PAX7: variants seen among roughly 807,000 people sequenced by gnomAD.
PAX7 encodes paired box protein Pax-7.
Under a neutral mutation model 50.7 loss-of-function variants are expected in PAX7, and 18 were observed. The observed-to-expected ratio is 0.36, with a 90% confidence interval of 0.25 to 0.53. The LOEUF (loss-of-function observed/expected upper bound fraction) is 0.53, where lower values mean the gene tolerates loss of function less well. Among genes scored for constraint, PAX7 ranks in the 20% least tolerant of loss-of-function variants. The probability of loss-of-function intolerance (pLI) is 0.93; values close to 1 mark genes in which losing one functional copy is unlikely to be tolerated. For synonymous variants in PAX7, 310 were observed against 290.4 expected (o/e 1.07, Z -0.69); for missense variants, 644 against 702.9 (o/e 0.92, Z 0.95).
chr1:18,689,751 A>G (rs1341514183), intron 4 of PAX7, among the ~76,000 whole-genome samples: 2 of 152,206 alleles, frequency 1.3e-5, no homozygotes, highest in Admixed American at 1.3e-4. Flanking sequence ...CACCATGATT[A>G]AATTACCCAG....
intron 4 of PAX7, among the ~76,000 whole-genome samples, chr1:18,667,248 C>A (rs2088681299): frequency 6.6e-6 from 1 of 152,102 alleles, no homozygotes; most frequent in East Asian, 1.9e-4. Flanking sequence ...TAATAATTGC[C>A]CCCTCAGAAG....
At chr1:18,731,851 C>T (rs534976480) in intron 7 of PAX7, among the ~76,000 whole-genome samples, 6 of 152,338 alleles carry the variant, frequency 3.9e-5, no homozygotes, top group Admixed American at 6.5e-5. Context: ...TGTTTCTGAG[C>T]TGTCAGTTCA....
intron 7 of PAX7, among the ~76,000 whole-genome samples, chr1:18,712,824 G>A (rs2089371407): frequency 6.6e-6 from 1 of 152,190 alleles, no homozygotes; most frequent in African/African-American, 2.4e-5. Flanking sequence ...GCTCACGCCT[G>A]TAATCCCAGC....
intron 7 of PAX7, among the ~76,000 whole-genome samples, chr1:18,705,173 A>G (rs1038287698): frequency 2.6e-5 from 4 of 152,308 alleles, no homozygotes; most frequent in South Asian, 2.1e-4. Context: ...AACCCTGCAC[A>G]TGGAATACAG....
At chr1:18,713,302 C>G (rs2089378667) in intron 7 of PAX7, among the ~76,000 whole-genome samples, 1 of 152,122 alleles carries the variant, frequency 6.6e-6, no homozygotes, top group Non-Finnish European at 1.5e-5. Context: ...GGACCATGGT[C>G]TTCAGTAGGA....
In PAX7 at chr1:18,641,749, G is replaced by GGTGGAA. The variant is rs1451082916; in HGVS notation, c.586+5379_586+5380insTGGAAG. On this transcript the variant is annotated intron_variant, in intron 4 of 8. Coordinates refer to ENST00000420770, the MANE Select transcript of PAX7 (RefSeq NM_001135254.2). ...CGAATTCATCATTTGGAATGGTGGA[G>GGTGGAA]GGGAGATTTACCAGACAGTATTGGG... Among the ~76,000 whole-genome samples, 276 of 152,342 alleles carry GGTGGAA rather than the reference G, an allele frequency of 1.8e-3. 3 individuals carry two copies. The highest frequency in any genetic ancestry group is 6.3e-3 in the African/African-American group (262 of 41,574).
At position 18,715,803 on chromosome 1, in the gene PAX7, T is replaced by C. The variant is rs115333853; in HGVS notation, c.1155+12507T>C. Among the ~76,000 whole-genome samples, 271 of 152,342 alleles carry C rather than the reference T, an allele frequency of 1.8e-3. 2 individuals are homozygous for C. Among genetic ancestry groups the C allele is most frequent in the African/African-American group, 5.5e-3 (227 of 41,572 alleles). On this transcript the variant is annotated intron_variant, in intron 7 of 8. Transcript: ENST00000420770. ...GCTAGCATAATATGAGGTAGCTGTT[T>C]GCAGATGGGGTCTGAGGCTCCAGCA...
chr1:18,664,384 C>T (rs185103707), intron 4 of PAX7, among the ~76,000 whole-genome samples: 8 of 152,286 alleles, frequency 5.3e-5, no homozygotes, highest in East Asian at 1.9e-4. Flanking sequence ...TTCCAAACCT[C>T]GGGGAGGCCG....
intron 4 of PAX7, among the ~76,000 whole-genome samples, chr1:18,664,850 A>G (rs998613822): frequency 1.3e-5 from 2 of 152,062 alleles, no homozygotes; most frequent in Admixed American, 6.6e-5. Context: ...CAAATCCTGA[A>G]GGGAGACTGG....
intron 4 of PAX7, among the ~76,000 whole-genome samples, chr1:18,684,025 C>T (rs143451038): frequency 6.6e-6 from 1 of 152,132 alleles, no homozygotes; most frequent in Non-Finnish European, 1.5e-5. Context: ...AGACTGAGCC[C>T]GGAGTCTGTG....
intron 4 of PAX7, among the ~76,000 whole-genome samples, chr1:18,665,891 C>T (rs961349210): frequency 6.6e-6 from 1 of 151,964 alleles, no homozygotes; most frequent in African/African-American, 2.4e-5. Context: ...AGGCTGGTCT[C>T]AAACTCCTGA....
In PAX7 at chr1:18,725,979, A is replaced by AGTGTGTGT. The variant is rs112228737; in HGVS notation, c.1156-9645_1156-9638dup. The stretch of plus-strand genomic sequence containing the variant: ...CATCTTGTAAAACAGACATTGGAAG[A>AGTGTGTGT]GTGTGTGTGTGTGTGCGCGCGCGCG... On this transcript the variant is annotated intron_variant, in intron 7 of 8. Transcript: ENST00000420770. 4.2e-3 allele frequency among the ~76,000 whole-genome samples: 614 copies of AGTGTGTGT among 145,630 alleles called. 4 individuals carry two copies. The highest frequency in any genetic ancestry group is 0.013 in the African/African-American group (511 of 38,566).
intron 7 of PAX7, among the ~76,000 whole-genome samples, chr1:18,725,574 T>G (rs1337707096): frequency 6.6e-6 from 1 of 152,220 alleles, no homozygotes; most frequent in Non-Finnish European, 1.5e-5. Context: ...ATGGGATCTT[T>G]CATGCTTAGT....
rs2089210709 is a variant in PAX7, at chr1:18,700,894, CTTCTT to C, written c.952+79_952+83del. ...TTCTTTACTTTCACTTACAAAGGCT[CTTCTT>C]TTTTTTATGACCATTTCTTACTTTC... On this transcript the variant is annotated intron_variant, in intron 6 of 8. Coordinates refer to ENST00000420770, the MANE Select transcript of PAX7 (RefSeq NM_001135254.2). The surrounding 1 kb of genome is among the most constrained non-coding windows in gnomAD (Gnocchi z 4.8). 1 of 1,262,726 alleles carries C rather than the reference CTTCTT, an allele frequency of 7.9e-7. No individual in the cohort carries two copies. Among genetic ancestry groups the C allele is most frequent in the Non-Finnish European group, 1.0e-6 (1 of 964,424 alleles). 78.2% of individuals were successfully genotyped at this position (1,262,726 alleles called of 1,614,324 possible). A position where few individuals can be genotyped will look rare whatever the true frequency, so the allele number is the denominator to read the frequency against.
intron 5 of PAX7, among the ~76,000 whole-genome samples, chr1:18,696,190 C>A (rs915239354): frequency 2.0e-5 from 3 of 151,870 alleles, no homozygotes; most frequent in African/African-American, 7.3e-5. Context: ...CTCAGCCTCC[C>A]GAGTAGCTGG....
At chr1:18,657,394 C>A (rs2088537400) in intron 4 of PAX7, among the ~76,000 whole-genome samples, 1 of 151,412 alleles carries the variant, frequency 6.6e-6, no homozygotes, top group African/African-American at 2.4e-5. Flanking sequence ...ATCGCCTCCA[C>A]CTTCCATGAA....
rs568673882 is a variant in PAX7, at chr1:18,735,758, G to A, written c.1282G>A (p.Asp428Asn). 39 of 1,614,014 alleles carry A rather than the reference G, an allele frequency of 2.4e-5. No homozygotes were observed. Among genetic ancestry groups the A allele is most frequent in the Middle Eastern group, 1.6e-4 (1 of 6,084 alleles). ...SISASCSQRA[D>N]SIKPGDSLPT... ...CTCAGCCAGCTGCAGCCAGCGGGCC[G>A]ACTCCATCAAGCCAGGAGACAGCCT... is the stretch of plus-strand genomic sequence containing the variant. Residue 428 changes from aspartate to asparagine, a missense_variant, in exon 8 of 9, where the codon GAC (aspartate) becomes AAC (asparagine). Transcript: ENST00000420770. This position sits in a 1 kb window ranked among gnomAD's most constrained non-coding sequence, Gnocchi z 4.0.
At chr1:18,682,756 G>GC (rs2088917643) in intron 4 of PAX7, among the ~76,000 whole-genome samples, 1 of 152,160 alleles carries the variant, frequency 6.6e-6, no homozygotes, top group Non-Finnish European at 1.5e-5. Context: ...GACATTCTCG[G>GC]CCCCTCCTGG....
At chr1:18,697,210 G>A (rs1036049978) in intron 5 of PAX7, among the ~76,000 whole-genome samples, 2 of 152,198 alleles carry the variant, frequency 1.3e-5, no homozygotes, top group South Asian at 2.1e-4. Context: ...TACTCCCAGC[G>A]CAGGGTATTG....
Sources: allele counts gnomAD v4.1 joint callset (sites outside exome capture counted in the v4.1 genomes callset), GRCh38; gene constraint gnomAD v4.1.1; non-coding constraint Gnocchi (gnomAD v3.1); transcripts MANE v1.5; gene names NCBI Gene and HGNC (gene_info 2026-07-23, HGNC 2026-07-21).